Variants in STPG2 observed in about 807,000 individuals in gnomAD.
The protein encoded by STPG2 is sperm tail PG-rich repeat containing 2.
Under a neutral mutation model 54.2 loss-of-function variants are expected in STPG2, and 56 were observed. That is an observed-to-expected ratio of 1.03 (90% CI 0.83 to 1.29). The LOEUF (loss-of-function observed/expected upper bound fraction) is 1.29. Among genes scored for constraint, STPG2 ranks in the 50% most tolerant of loss-of-function variants. The pLI, the probability that STPG2 is intolerant of heterozygous loss-of-function variation, is 0.00. For synonymous variants in STPG2, 200 were observed against 181.8 expected (o/e 1.10, Z -0.81); for missense variants, 596 against 544.9 (o/e 1.09, Z -0.93).
At chr4:97,842,415 G>T (rs888245656) in intron 8 of STPG2, among the ~76,000 whole-genome samples, 1 of 151,856 alleles carries the variant, frequency 6.6e-6, no homozygotes, top group African/African-American at 2.4e-5. Flanking sequence ...AAAGAAACCG[G>T]AAGAGATTAT....
Position 97,858,059 on chromosome 4 carries a change from C to T in STPG2, c.1045-17127G>A, listed in dbSNP as rs146754805. Among the ~76,000 whole-genome samples the T allele has an allele frequency of 2.0e-3, 300 of 152,088 alleles. 1 individual carries two copies. The highest frequency in any genetic ancestry group is 6.7e-3 in the African/African-American group (280 of 41,512). On this transcript the variant is annotated intron_variant, in intron 8 of 10. Transcript: ENST00000295268. ...ACCTCCAAGATCTATAAAATAGTCT[C>T]AAACGGGCAAATCTAAGAGTTATTG...
At chr4:98,140,827 G>A (rs1425086652) in intron 1 of STPG2, among the ~76,000 whole-genome samples, 1 of 152,114 alleles carries the variant, frequency 6.6e-6, no homozygotes, top group Non-Finnish European at 1.5e-5. Flanking sequence ...GAATTAAAAA[G>A]AAGAGAAAAA....
At chr4:97,755,675 T>C (rs939447238) in intron 9 of STPG2, among the ~76,000 whole-genome samples, 13 of 152,218 alleles carry the variant, frequency 8.5e-5, no homozygotes, top group Non-Finnish European at 1.8e-4. Flanking sequence ...AGAAATGAGC[T>C]AAACCTTTAT....
At chr4:97,993,020 C>T (rs749895068) in intron 5 of STPG2, among the ~76,000 whole-genome samples, 2 of 152,062 alleles carry the variant, frequency 1.3e-5, no homozygotes, top group African/African-American at 2.4e-5. Flanking sequence ...ATAATGTCAT[C>T]AGCAAATAGC....
At chr4:97,735,346 G>C (rs1320646724) in intron 9 of STPG2, among the ~76,000 whole-genome samples, 1 of 151,294 alleles carries the variant, frequency 6.6e-6, no homozygotes, top group Non-Finnish European at 1.5e-5. Context: ...TGGGAGCTAA[G>C]CTATGAGTAT....
intron 9 of STPG2, among the ~76,000 whole-genome samples, chr4:97,737,155 C>T (rs1481294929): frequency 6.6e-6 from 1 of 152,178 alleles, no homozygotes; most frequent in Non-Finnish European, 1.5e-5. Context: ...AGGGTCCTGT[C>T]TGTTAGAAGG....
chr4:97,649,171 T>C (rs1403849736), intron 10 of STPG2, among the ~76,000 whole-genome samples: 2 of 152,174 alleles, frequency 1.3e-5, no homozygotes, highest in Admixed American at 6.5e-5. Flanking sequence ...TTCTTGTTAC[T>C]ACAGAGCAAT....
chr4:97,511,866 C>T (rs1730981424), intron 4 of STPG2, among the ~76,000 whole-genome samples: 1 of 151,780 alleles, frequency 6.6e-6, no homozygotes, highest in Non-Finnish European at 1.5e-5. Context: ...AAAAAAAATT[C>T]CTAGTGTAGA....
intron 9 of STPG2, among the ~76,000 whole-genome samples, chr4:97,808,268 C>T (rs951826464): frequency 6.6e-6 from 1 of 151,848 alleles, no homozygotes; most frequent in African/African-American, 2.4e-5. Flanking sequence ...TACTAATGTT[C>T]TTGGTTCTAA....
At chr4:97,933,750 G>A (rs958361449) in intron 8 of STPG2, among the ~76,000 whole-genome samples, 2 of 152,164 alleles carry the variant, frequency 1.3e-5, no homozygotes, top group Non-Finnish European at 2.9e-5. Flanking sequence ...GTACTATGCT[G>A]TTTTGGTTAC....
At chr4:98,115,777 A>C (rs1739500629) in intron 3 of STPG2, among the ~76,000 whole-genome samples, 1 of 152,000 alleles carries the variant, frequency 6.6e-6, no homozygotes, top group Non-Finnish European at 1.5e-5. Context: ...GTAGTTTGTG[A>C]AGAACCTGTG....
intron 8 of STPG2, among the ~76,000 whole-genome samples, chr4:97,935,544 T>C (rs1435556723): frequency 6.6e-6 from 1 of 152,238 alleles, no homozygotes; most frequent in East Asian, 1.9e-4. Context: ...CTCTTAACAC[T>C]GCTTTAGCTG....
intron 9 of STPG2, among the ~76,000 whole-genome samples, chr4:97,783,180 A>T (rs1488314904): frequency 6.6e-6 from 1 of 152,250 alleles, no homozygotes; most frequent in Non-Finnish European, 1.5e-5. Flanking sequence ...CAATCTACTC[A>T]TCTGACAAAG....
intron 10 of STPG2, among the ~76,000 whole-genome samples, chr4:97,689,921 C>T (rs1723312821): frequency 1.3e-5 from 2 of 151,886 alleles, no homozygotes; most frequent in Non-Finnish European, 2.9e-5. Context: ...TTTTATGTTG[C>T]ATAAAATCAT....
intron 9 of STPG2, among the ~76,000 whole-genome samples, chr4:97,748,877 C>T (rs1725497821): frequency 6.6e-6 from 1 of 151,546 alleles, no homozygotes; most frequent in South Asian, 2.1e-4. Context: ...GTTTGTTTTG[C>T]AGTCTTTAGA....
chr4:97,630,516 T>C (rs1333567493), intron 10 of STPG2, among the ~76,000 whole-genome samples: 1 of 151,906 alleles, frequency 6.6e-6, no homozygotes, highest in Non-Finnish European at 1.5e-5. Context: ...TTGTTAATCA[T>C]AGAAAATAAT....
At chr4:97,539,472 C>A (rs1036357055) in intron 4 of STPG2, among the ~76,000 whole-genome samples, 6 of 152,260 alleles carry the variant, frequency 3.9e-5, no homozygotes, top group Non-Finnish European at 8.8e-5. Context: ...GTAAAGGGAT[C>A]AATTCAACAA....
intron 9 of STPG2, among the ~76,000 whole-genome samples, chr4:97,738,282 G>A (rs1356632351): frequency 6.6e-6 from 1 of 152,116 alleles, no homozygotes; most frequent in African/African-American, 2.4e-5. Flanking sequence ...GACCATCGAG[G>A]CTAGGAAGAA....
intron 5 of STPG2, among the ~76,000 whole-genome samples, chr4:97,989,002 A>C (rs140210421): frequency 0.01 from 1,564 of 152,332 alleles, 30 homozygotes; most frequent in African/African-American, 0.036. Flanking sequence ...GAAACTAAAA[A>C]TTTACGAGAA....
Sources: allele counts gnomAD v4.1 joint callset (sites outside exome capture counted in the v4.1 genomes callset), GRCh38; gene constraint gnomAD v4.1.1; transcripts MANE v1.5; gene names NCBI Gene and HGNC (gene_info 2026-07-23, HGNC 2026-07-21).